The following COL3A1 variants were observed in gnomAD, a reference collection of about 807,000 sequenced individuals.
The protein encoded by COL3A1 is collagen type III alpha 1 chain, also known as collagen alpha-1(III) chain.
In COL3A1, 46 loss-of-function variants were observed where a neutral mutation model predicts 200.9. The ratio of observed to expected loss-of-function variants is 0.23; its 90% CI spans 0.18 to 0.29. The LOEUF is 0.29. Ranked by LOEUF, COL3A1 falls within the 10% of genes least tolerant of loss-of-function variation. COL3A1 has a pLI of 1.00. For missense variants in COL3A1, 1,367 were observed against 1,917.6 expected, an observed-to-expected ratio of 0.71 and a Z score of 5.36; for synonymous variants, 650 against 628.0, an observed-to-expected ratio of 1.03 and a Z score of -0.52.
Position 188,995,235 on chromosome 2 carries a change from C to A in COL3A1, c.1509+136C>A, listed in dbSNP as rs1688280160. Reference sequence around the variant, plus strand: ...GTTAAGAAAAATTCCTAATATAATGCATCCTCTGTTCAACAACTTTCCTGG... The same window carrying A: ...GTTAAGAAAAATTCCTAATATAATGAATCCTCTGTTCAACAACTTTCCTGG... On this transcript the variant is annotated intron_variant, in intron 21 of 50. Coordinates refer to ENST00000304636, the MANE Select transcript of COL3A1 (RefSeq NM_000090.4). 3 of 832,046 alleles carry A rather than the reference C, an allele frequency of 3.6e-6. No individual in the cohort carries two copies. The East Asian group carries it at 8.0e-5, about 22-fold the overall frequency. The allele number at this position is 832,046 out of a possible 1,614,324, so 51.5% of individuals were successfully genotyped here. A position where few individuals can be genotyped will look rare whatever the true frequency, so the allele number is the denominator to read the frequency against.
In COL3A1 at chr2:188,992,868, T is replaced by C. The variant is rs780776813; in HGVS notation, c.997-19T>C. ...TTTAGTTGAAAAAGAGCTCTTGAAA[T>C]TGTATTTAATTTTTTCAGGGCCCTC... On this transcript the variant is annotated intron_variant, in intron 14 of 50. Coordinates refer to ENST00000304636, the MANE Select transcript of COL3A1 (RefSeq NM_000090.4). 6.2e-7 allele frequency: 1 copy of C among 1,612,454 alleles called. No homozygotes were observed. The highest frequency in any genetic ancestry group is 1.1e-5 in the South Asian group (1 of 91,038).
In COL3A1 at chr2:189,009,704, A is replaced by G. The variant is rs372693774; in HGVS notation, c.3824-474A>G. On this transcript the variant is annotated intron_variant, in intron 48 of 50. Coordinates refer to ENST00000304636, the MANE Select transcript of COL3A1 (RefSeq NM_000090.4). Reference sequence around the variant, plus strand: ...GGGTTAAATATTTCTGAAAAGCAAAATTATTTCAAGTTTTCAAATATCTTG... The same window carrying G: ...GGGTTAAATATTTCTGAAAAGCAAAGTTATTTCAAGTTTTCAAATATCTTG... Among the ~76,000 whole-genome samples the G allele has an allele frequency of 1.8e-3, 276 of 152,280 alleles. 2 individuals carry two copies. The highest frequency in any genetic ancestry group is 6.0e-3 in the African/African-American group (249 of 41,578).
rs1688421753 is a variant in COL3A1 at position 188,999,990 on chromosome 2, G to A, written c.2283+95G>A. 4 of 1,265,226 alleles carry A rather than the reference G, an allele frequency of 3.2e-6. No individual in the cohort carries two copies. The South Asian group carries it at 5.1e-5, about 16-fold the overall frequency. The allele number at this position is 1,265,226 out of a possible 1,614,324, so 78.4% of individuals were successfully genotyped here. A position where few individuals can be genotyped will look rare whatever the true frequency, so the allele number is the denominator to read the frequency against. On this transcript the variant is annotated intron_variant, in intron 32 of 50. Coordinates refer to ENST00000304636, the MANE Select transcript of COL3A1 (RefSeq NM_000090.4). The stretch of plus-strand genomic sequence containing the variant: ...TTAATTTTTTCCAAAAACTACTCAA[G>A]AGAAATTAGATATTTTACCACCTAA...
At chr2:188,979,765 A>G (rs1478891585) in intron 1 of COL3A1, among the ~76,000 whole-genome samples, 1 of 151,768 alleles carries the variant, frequency 6.6e-6, no homozygotes, top group Non-Finnish European at 1.5e-5. Context: ...TGGCTTCTTT[A>G]ATCGTACTCA....
intron 1 of COL3A1, among the ~76,000 whole-genome samples, chr2:188,975,561 A>C (rs1283906941): frequency 6.6e-6 from 1 of 152,212 alleles, no homozygotes; most frequent in Non-Finnish European, 1.5e-5. Flanking sequence ...TTTTTATTGC[A>C]CATAACTAAA....
Position 189,011,674 on chromosome 2 carries a change from G to C in COL3A1, c.4301G>C (p.Arg1434Pro). 1 of 1,613,938 alleles carries C rather than the reference G, an allele frequency of 6.2e-7. No individual in the cohort carries two copies. Among genetic ancestry groups the C allele is most frequent in the Non-Finnish European group, 8.5e-7 (1 of 1,179,906 alleles). Residue 1434 changes from arginine (R) to proline (P), a missense_variant, in exon 51 of 51, where the codon CGC (arginine) becomes CCC (proline). This residue lies in a region of COL3A1 where 846 missense variants were observed against 1,147.9 expected (regional missense o/e 0.74). Transcript: ENST00000304636. ...WSKTVFEYRT[R>P]KAVRLPIVDI... The stretch of plus-strand genomic sequence containing the variant: ...AAAACAGTCTTTGAATATCGAACAC[G>C]CAAGGCTGTGAGACTACCTATTGTA...
rs41265571 is a variant in COL3A1 at position 188,974,772 on chromosome 2, T to C, written c.79+204T>C. 0.045 allele frequency among the ~76,000 whole-genome samples: 6,863 copies of C among 152,280 alleles called. 365 individuals are homozygous for C. The highest frequency in any genetic ancestry group is 0.11 in the African/African-American group (4,598 of 41,526). ...GCGTTATGTGTGTTTTTAAGAGTTC[T>C]GTGGTTAAGATAAGATGTTCTTGTA... On this transcript the variant is annotated intron_variant, in intron 1 of 50. Transcript: ENST00000304636.
At chr2:188,993,337 G>T in intron 15 of COL3A1, 24 bp from the exon 16 acceptor site, 1 of 1,544,564 alleles carries the variant, frequency 6.5e-7, no homozygotes, top group South Asian at 1.2e-5. Context: ...AAGAGAAACT[G>T]ACTACACAAG....
intron 41 of COL3A1, 55 bp downstream of exon 41, chr2:189,005,512 C>G: frequency 1.4e-6 from 2 of 1,465,818 alleles, no homozygotes; most frequent in Non-Finnish European, 1.9e-6. Context: ...TTTATTTCAG[C>G]AAAGGTGAAA....
In COL3A1 at chr2:189,003,150, T is replaced by TC; in HGVS notation, c.2553+94dup. ...CTATCTCTCCCTCTCTCTCTCCCTC[T>TC]CCCCCCTCTGTAAGTCCTAAGTGTT... On this transcript the variant is annotated intron_variant, in intron 36 of 50. Transcript: ENST00000304636. 2.7e-6 allele frequency: 3 copies of TC among 1,111,228 alleles called. No individual in the cohort carries two copies. In the South Asian group the frequency reaches 4.0e-5, roughly 15 times the overall value. The allele number at this position is 1,111,228 out of a possible 1,614,324, so 68.8% of individuals were successfully genotyped here.
chr2:188,985,424 C>A (rs1267176363), intron 3 of COL3A1, among the ~76,000 whole-genome samples, 177 bp downstream of exon 3: 1 of 151,898 alleles, frequency 6.6e-6, no homozygotes, highest in Non-Finnish European at 1.5e-5. Flanking sequence ...TTCAATTTCC[C>A]AAACTTCATA....
rs1204937173 is a variant in COL3A1 at position 189,009,070 on chromosome 2, A to G, written c.3672A>G (p.Pro1224=). Residue 1224 remains proline, a synonymous_variant, in exon 48 of 51, where the codon CCA becomes CCG. Transcript: ENST00000304636. ...GGFAPYYGDE[P]MDFKINTDEI... ...TTGCCCCGTATTATGGAGATGAACC[A>G]ATGGATTTCAAAATCAACACCGATG... 6.2e-7 allele frequency: 1 copy of G among 1,614,178 alleles called. No homozygotes were observed.
intron 1 of COL3A1, among the ~76,000 whole-genome samples, chr2:188,981,066 T>TAG (rs1429101965): frequency 6.6e-6 from 1 of 151,420 alleles, no homozygotes; most frequent in East Asian, 1.9e-4. Flanking sequence ...GCTCCAAAAA[T>TAG]AGTATTAAGA....
chr2:189,000,956 A>G (rs1350789455), intron 32 of COL3A1, among the ~76,000 whole-genome samples: 1 of 152,186 alleles, frequency 6.6e-6, no homozygotes, highest in Non-Finnish European at 1.5e-5. Flanking sequence ...AGAGTGCTCA[A>G]TACTTCAGTT....
chr2:188,991,347 A>G, intron 11 of COL3A1, 140 bp from the exon 12 acceptor site: 5 of 655,616 alleles, frequency 7.6e-6, no homozygotes, highest in Non-Finnish European at 1.2e-5. Flanking sequence ...GGTAAATAAA[A>G]TACTAACAGA....
At chr2:189,007,649 C>T (rs1411074057) in intron 45 of COL3A1, 42 bp downstream of exon 45, 1 of 1,511,066 alleles carries the variant, frequency 6.6e-7, no homozygotes, top group Non-Finnish European at 9.1e-7. Context: ...TCAATGTATA[C>T]AAATTTTAGA....
chr2:189,008,761 G>A (rs1253161816), intron 47 of COL3A1, 163 bp from the exon 48 acceptor site: 1 of 689,910 alleles, frequency 1.4e-6, no homozygotes, highest in Non-Finnish European at 2.5e-6. Flanking sequence ...TTATAAATCG[G>A]TGATCACGTG....
chr2:188,985,167 T>C (rs754237637), intron 2 of COL3A1, 30 bp from the exon 3 acceptor site: 1 of 1,606,632 alleles, frequency 6.2e-7, no homozygotes, highest in South Asian at 1.1e-5. Context: ...TTCTGTGTCT[T>C]GTTTAACTTG....
chr2:188,998,351 A>G, intron 28 of COL3A1, 32 bp downstream of exon 28: 1 of 1,583,114 alleles, frequency 6.3e-7, no homozygotes, highest in Non-Finnish European at 8.7e-7. Flanking sequence ...AAAACTCAGA[A>G]ACAAAAAGAA....
Sources: allele counts gnomAD v4.1 joint callset (sites outside exome capture counted in the v4.1 genomes callset), GRCh38; gene constraint gnomAD v4.1.1; regional missense constraint gnomAD v4.1.1; transcripts MANE v1.5; gene names NCBI Gene and HGNC (gene_info 2026-07-23, HGNC 2026-07-21).